The following HS3ST4 variants were observed in gnomAD, a reference collection of about 807,000 sequenced individuals.
HS3ST4 encodes heparan sulfate glucosamine 3-O-sulfotransferase 4.
In HS3ST4, 17 loss-of-function variants were observed where a neutral mutation model predicts 29.2. The ratio of observed to expected loss-of-function variants is 0.58; its 90% confidence interval spans 0.40 to 0.87. The LOEUF (loss-of-function observed/expected upper bound fraction) is 0.87. Ranked by LOEUF, HS3ST4 falls within the 40% of genes least tolerant of loss-of-function variation. The probability of loss-of-function intolerance (pLI) is 0.00; values close to 1 mark genes in which losing one functional copy is unlikely to be tolerated. For synonymous variants in HS3ST4, 314 were observed against 285.7 expected (o/e 1.10, Z -1.00); for missense variants, 627 against 634.5 (o/e 0.99, Z 0.13).
At chr16:26,002,793 AAG>A (rs1392210933) in intron 1 of HS3ST4, among the ~76,000 whole-genome samples, 2 of 151,818 alleles carry the variant, frequency 1.3e-5, no homozygotes, top group Non-Finnish European at 2.9e-5. Flanking sequence ...AAGAAAGAAA[AAG>A]AAAGAAGGAA....
At chr16:25,895,957 G>A (rs571066359) in intron 1 of HS3ST4, among the ~76,000 whole-genome samples, 6 of 152,246 alleles carry the variant, frequency 3.9e-5, no homozygotes, top group African/African-American at 1.2e-4. Context: ...GGATGGAGGA[G>A]ACTGGTGGGA....
chr16:26,059,295 C>T (rs1012226237), intron 1 of HS3ST4, among the ~76,000 whole-genome samples: 11 of 152,042 alleles, frequency 7.2e-5, no homozygotes, highest in African/African-American at 2.7e-4. Flanking sequence ...CCCTCTCTCT[C>T]TTCTTCCCTC....
intron 1 of HS3ST4, among the ~76,000 whole-genome samples, chr16:26,086,253 A>G (rs1326800304): frequency 1.3e-5 from 2 of 152,320 alleles, no homozygotes; most frequent in East Asian, 3.9e-4. Flanking sequence ...ATATGAGAAT[A>G]TGTCACACAT....
intron 1 of HS3ST4, among the ~76,000 whole-genome samples, chr16:25,877,066 G>A (rs1967840301): frequency 6.6e-6 from 1 of 151,898 alleles, no homozygotes; most frequent in Non-Finnish European, 1.5e-5. Flanking sequence ...CATCCTAGAT[G>A]GGTCTTTAAT....
chr16:26,047,359 G>A (rs993909643), intron 1 of HS3ST4, among the ~76,000 whole-genome samples: 2 of 152,162 alleles, frequency 1.3e-5, no homozygotes, highest in African/African-American at 4.8e-5. Context: ...AGAAGATTTC[G>A]ATCAATATTT....
At position 25,691,972 on chromosome 16, in the gene HS3ST4, C is replaced by T. The variant is rs1239348278; in HGVS notation, c.-446C>T. 6.6e-6 allele frequency: 1 copy of T among 151,286 alleles called. No homozygotes were observed. The highest frequency in any genetic ancestry group is 2.0e-4 in the East Asian group (1 of 4,986). The allele number at this position is 151,286 out of a possible 1,614,324, so 9.4% of individuals were successfully genotyped here. A position where few individuals can be genotyped will look rare whatever the true frequency, so the allele number is the denominator to read the frequency against. Reference sequence around the variant, plus strand: ...GGCCCCCTCCTCCTCCCCTCCGCGCCTCTCCTCTCTCCCGGCAGAAAGTTA... The same window carrying T: ...GGCCCCCTCCTCCTCCCCTCCGCGCTTCTCCTCTCTCCCGGCAGAAAGTTA... On this transcript the variant is annotated 5_prime_UTR_variant, in exon 1 of 2. Coordinates refer to ENST00000331351, the MANE Select transcript of HS3ST4 (RefSeq NM_006040.3).
At chr16:25,747,740 C>T (rs1407425235) in intron 1 of HS3ST4, among the ~76,000 whole-genome samples, 1 of 152,178 alleles carries the variant, frequency 6.6e-6, no homozygotes, top group Non-Finnish European at 1.5e-5. Flanking sequence ...TCTCCACTGC[C>T]TCTCAGATGC....
At chr16:25,850,391 C>T (rs1329883026) in intron 1 of HS3ST4, among the ~76,000 whole-genome samples, 1 of 152,156 alleles carries the variant, frequency 6.6e-6, no homozygotes, top group East Asian at 1.9e-4. Flanking sequence ...AAACTCTACC[C>T]AGTCTTTAAG....
intron 1 of HS3ST4, among the ~76,000 whole-genome samples, chr16:25,804,287 C>T (rs1966968588): frequency 6.6e-6 from 1 of 152,088 alleles, no homozygotes; most frequent in African/African-American, 2.4e-5. Context: ...ATAATTTTAA[C>T]CTTTTTCATT....
At chr16:25,833,214 T>C (rs1473305639) in intron 1 of HS3ST4, among the ~76,000 whole-genome samples, 1 of 152,174 alleles carries the variant, frequency 6.6e-6, no homozygotes, top group East Asian at 1.9e-4. Context: ...ACATTGAAGT[T>C]GCATGCCCCT....
At chr16:25,997,053 A>C (rs1969164547) in intron 1 of HS3ST4, among the ~76,000 whole-genome samples, 1 of 152,208 alleles carries the variant, frequency 6.6e-6, no homozygotes, top group East Asian at 1.9e-4. Context: ...TTGATTTAAA[A>C]AATATATTGA....
At chr16:26,048,860 G>A (rs898643910) in intron 1 of HS3ST4, among the ~76,000 whole-genome samples, 2 of 151,922 alleles carry the variant, frequency 1.3e-5, no homozygotes, top group Admixed American at 1.3e-4. Context: ...ATTGAATCTC[G>A]CAGCAAGAAA....
At chr16:25,942,024 C>A (rs894498310) in intron 1 of HS3ST4, among the ~76,000 whole-genome samples, 1 of 152,278 alleles carries the variant, frequency 6.6e-6, no homozygotes, top group South Asian at 2.1e-4. Flanking sequence ...GGAACAACAG[C>A]TTGGACCATA....
intron 1 of HS3ST4, among the ~76,000 whole-genome samples, chr16:25,785,443 T>G (rs1966856530): frequency 6.6e-6 from 1 of 152,218 alleles, no homozygotes; most frequent in Admixed American, 6.5e-5. Context: ...TCTTGTTGTC[T>G]GTTAATTCAG....
intron 1 of HS3ST4, among the ~76,000 whole-genome samples, chr16:25,863,540 G>T (rs992452843): frequency 4.6e-5 from 7 of 152,122 alleles, no homozygotes; most frequent in Admixed American, 1.3e-4. Context: ...CACTATGAAG[G>T]CATGAAGGTA....
chr16:25,876,628 C>T (rs768829916), intron 1 of HS3ST4, among the ~76,000 whole-genome samples: 30 of 152,054 alleles, frequency 2.0e-4, no homozygotes, highest in Non-Finnish European at 2.2e-4. Context: ...TGACCGAAAC[C>T]CTCTGGAGCT....
At chr16:25,851,850 C>A (rs1967525267) in intron 1 of HS3ST4, among the ~76,000 whole-genome samples, 1 of 121,508 alleles carries the variant, frequency 8.2e-6, no homozygotes, top group East Asian at 2.5e-4. Context: ...GGAATCTTTT[C>A]ATGAGAAACG....
chr16:25,848,656 C>T (rs964603394), intron 1 of HS3ST4, among the ~76,000 whole-genome samples: 1 of 151,924 alleles, frequency 6.6e-6, no homozygotes, highest in Non-Finnish European at 1.5e-5. Flanking sequence ...TTATTTCTTG[C>T]CAGGTCTTAC....
chr16:25,942,544 T>C (rs1968582091), intron 1 of HS3ST4, among the ~76,000 whole-genome samples: 2 of 152,094 alleles, frequency 1.3e-5, no homozygotes, highest in Admixed American at 6.5e-5. Flanking sequence ...TGTCTCTTCA[T>C]AGAATTATTT....
Sources: allele counts gnomAD v4.1 joint callset (sites outside exome capture counted in the v4.1 genomes callset), GRCh38; gene constraint gnomAD v4.1.1; transcripts MANE v1.5; gene names NCBI Gene and HGNC (gene_info 2026-07-23, HGNC 2026-07-21).